The following RAB11FIP4 variants were observed in gnomAD, a reference collection of about 807,000 sequenced individuals.
RAB11FIP4 encodes the protein RAB11 family interacting protein 4.
RAB11FIP4 carries 23 observed loss-of-function variants against 74.3 expected under a neutral mutation model. That is an observed-to-expected ratio of 0.31 (90% CI 0.22 to 0.44). RAB11FIP4 has a LOEUF of 0.44. Ranked by LOEUF, RAB11FIP4 falls within the 20% of genes least tolerant of loss-of-function variation. The pLI is 1.00. For synonymous variants in RAB11FIP4, 360 were observed against 359.9 expected, an observed-to-expected ratio of 1.00 and a Z score of 0.00; for missense variants, 630 against 863.9, an observed-to-expected ratio of 0.73 and a Z score of 3.39.
At chr17:31,415,054 G>T (rs1470054504) in intron 1 of RAB11FIP4, among the ~76,000 whole-genome samples, 1 of 152,166 alleles carries the variant, frequency 6.6e-6, no homozygotes, top group Non-Finnish European at 1.5e-5. Context: ...CTGTTCATGG[G>T]CCCCACCCTC....
chr17:31,498,720 G>T (rs949866874), intron 3 of RAB11FIP4, among the ~76,000 whole-genome samples: 3 of 152,196 alleles, frequency 2.0e-5, no homozygotes, highest in Non-Finnish European at 2.9e-5. Context: ...TTGGATAGTG[G>T]CCTCTCTCTG....
intron 3 of RAB11FIP4, among the ~76,000 whole-genome samples, chr17:31,444,116 C>T (rs571704625): frequency 1.3e-5 from 2 of 152,324 alleles, no homozygotes; most frequent in South Asian, 2.1e-4. Flanking sequence ...AGCCCACCCT[C>T]GCTTCATTTC....
intron 3 of RAB11FIP4, among the ~76,000 whole-genome samples, chr17:31,450,804 G>A (rs1229396476): frequency 6.6e-6 from 1 of 151,924 alleles, no homozygotes; most frequent in African/African-American, 2.4e-5. Flanking sequence ...AACCTGTGGC[G>A]CACCCTCTGC....
At chr17:31,411,089 C>T (rs1452359173) in intron 1 of RAB11FIP4, among the ~76,000 whole-genome samples, 9 of 151,952 alleles carry the variant, frequency 5.9e-5, no homozygotes, top group Admixed American at 3.9e-4. Flanking sequence ...CCAGGCCGGG[C>T]GCGGTGGCTC....
rs141391709 is a variant in RAB11FIP4, at chr17:31,528,676, C to T, written c.1551C>T (p.Cys517=). 61 of 1,612,962 alleles carry T rather than the reference C, an allele frequency of 3.8e-5. No homozygotes were observed. The Middle Eastern group carries it at 5.0e-4, about 13-fold the overall frequency. ...ACCTGCAGATGTACAAGCTGGACTG[C>T]GAGCGGCCAGGCAGGGGCCGCAGTG... is the stretch of plus-strand genomic sequence containing the variant. The part of the protein sequence containing the change: ...LEHLQMYKLD[C]ERPGRGRSAS... The change falls in exon 13 of 15, where the codon TGC becomes TGT. Residue 517 remains cysteine (C), a synonymous_variant. Transcript: ENST00000621161.
intron 1 of RAB11FIP4, among the ~76,000 whole-genome samples, chr17:31,393,130 C>T (rs943520829): frequency 1.3e-5 from 2 of 152,232 alleles, no homozygotes; most frequent in Non-Finnish European, 2.9e-5. Flanking sequence ...ACTTGTGAGT[C>T]GCTGAGAGCT....
At chr17:31,470,539 G>T (rs2071727332) in intron 3 of RAB11FIP4, among the ~76,000 whole-genome samples, 1 of 152,232 alleles carries the variant, frequency 6.6e-6, no homozygotes, top group South Asian at 2.1e-4. Flanking sequence ...ATCCCCACAG[G>T]CCTGGCAGAA....
At chr17:31,418,312 C>T (rs1463134454) in intron 1 of RAB11FIP4, among the ~76,000 whole-genome samples, 3 of 151,992 alleles carry the variant, frequency 2.0e-5, no homozygotes, top group Admixed American at 6.5e-5. Context: ...CGCTTGAACC[C>T]GGGAGGCGGA....
chr17:31,502,584 A>G (rs773552351), intron 3 of RAB11FIP4, among the ~76,000 whole-genome samples: 3 of 152,226 alleles, frequency 2.0e-5, no homozygotes, highest in Admixed American at 6.5e-5. Context: ...ATCTCAAAAA[A>G]TAAAAAAATA....
chr17:31,481,386 T>C (rs1177753205), intron 3 of RAB11FIP4, among the ~76,000 whole-genome samples: 1 of 152,108 alleles, frequency 6.6e-6, no homozygotes, highest in Non-Finnish European at 1.5e-5. Context: ...AACCACTGCT[T>C]TAAAGGGTTG....
At chr17:31,461,662 T>TCCACGG (rs2071634907) in intron 3 of RAB11FIP4, among the ~76,000 whole-genome samples, 1 of 151,594 alleles carries the variant, frequency 6.6e-6, no homozygotes, top group African/African-American at 2.4e-5. Flanking sequence ...TGTCAGGGGA[T>TCCACGG]CCACCTGCCT....
chr17:31,508,322 C>T (rs538357430), intron 3 of RAB11FIP4, among the ~76,000 whole-genome samples: 2 of 152,308 alleles, frequency 1.3e-5, no homozygotes, highest in East Asian at 3.9e-4. Flanking sequence ...CTGGCTTTTC[C>T]CACACCCCAC....
intron 3 of RAB11FIP4, among the ~76,000 whole-genome samples, chr17:31,513,636 C>T (rs1462929094): frequency 2.6e-5 from 4 of 152,230 alleles, no homozygotes; most frequent in African/African-American, 4.8e-5. Flanking sequence ...GTGCAGTAAA[C>T]TGTCTTTATT....
chr17:31,430,231 G>A (rs4517849), intron 1 of RAB11FIP4, among the ~76,000 whole-genome samples: 5 of 151,930 alleles, frequency 3.3e-5, no homozygotes, highest in Non-Finnish European at 7.4e-5. Context: ...GGTGGTTTCC[G>A]TGAGGAGCTG....
intron 10 of RAB11FIP4, 37 bp downstream of exon 10, chr17:31,525,267 C>G: frequency 6.6e-7 from 1 of 1,520,896 alleles, no homozygotes; most frequent in Non-Finnish European, 8.8e-7. Context: ...CTCAGAGGGA[C>G]CCCCTGTCCT....
intron 4 of RAB11FIP4, among the ~76,000 whole-genome samples, chr17:31,518,980 G>A (rs1412740330): frequency 2.1e-5 from 3 of 139,898 alleles, no homozygotes; most frequent in Non-Finnish European, 4.6e-5. Flanking sequence ...CTACAGGCGC[G>A]TGCCACCATG....
chr17:31,515,588 T>G (rs927472339), intron 3 of RAB11FIP4, among the ~76,000 whole-genome samples: 4 of 152,010 alleles, frequency 2.6e-5, no homozygotes, highest in Non-Finnish European at 4.4e-5. Flanking sequence ...CTGAGCAGCT[T>G]CTTCAGCTGT....
chr17:31,428,102 T>C (rs2071271122), intron 1 of RAB11FIP4, among the ~76,000 whole-genome samples: 1 of 152,058 alleles, frequency 6.6e-6, no homozygotes, highest in Non-Finnish European at 1.5e-5. Context: ...CAGGGTCAGC[T>C]GGAATCAAGA....
In RAB11FIP4 at chr17:31,503,702, A is replaced by T. The variant is rs559944293; in HGVS notation, c.337-13949A>T. On this transcript the variant is annotated intron_variant, in intron 3 of 14. Transcript: ENST00000621161. The stretch of plus-strand genomic sequence containing the variant: ...TTGCCGCTTGATCTGATCATTTGAA[A>T]CCAAGACTGCTCGTCGTTCTGTTCT... Among the ~76,000 whole-genome samples, 9 of 149,608 alleles carry T rather than the reference A, an allele frequency of 6.0e-5. 1 individual carries two copies. Among genetic ancestry groups the T allele is most frequent in the Non-Finnish European group, 8.8e-5 (6 of 68,018 alleles).
Sources: allele counts gnomAD v4.1 joint callset (sites outside exome capture counted in the v4.1 genomes callset), GRCh38; gene constraint gnomAD v4.1.1; transcripts MANE v1.5; gene names NCBI Gene and HGNC (gene_info 2026-07-23, HGNC 2026-07-21).